DNAJC2: variants seen among roughly 807,000 people sequenced by gnomAD.
DNAJC2 encodes the protein dnaJ homolog subfamily C member 2.
DNAJC2 carries 32 observed loss-of-function variants against 94.0 expected under a neutral mutation model. The observed-to-expected ratio is 0.34, with a 90% confidence interval of 0.26 to 0.46. DNAJC2 has a LOEUF of 0.46. DNAJC2 is among the 20% of genes least tolerant of loss of function. The pLI is 1.00. For synonymous variants in DNAJC2, 210 were observed against 229.7 expected, an observed-to-expected ratio of 0.91 and a Z score of 0.77; for missense variants, 550 against 719.5, an observed-to-expected ratio of 0.76 and a Z score of 2.69.
At position 103,312,728 on chromosome 7, in the gene DNAJC2, C is replaced by T; in HGVS notation, c.1792-85G>A. The stretch of plus-strand genomic sequence containing the variant: ...TAGTGTTTGGTGTAAAGAATTCAAG[C>T]AACTAAGATAGATAGTACTAAATAT... On this transcript the variant is annotated intron_variant, in intron 16 of 16. Coordinates refer to ENST00000379263, the MANE Select transcript of DNAJC2 (RefSeq NM_014377.3). 3 of 1,577,796 alleles carry T rather than the reference C, an allele frequency of 1.9e-6. No homozygotes were observed. The South Asian group carries it at 3.5e-5, about 19-fold the overall frequency.
Position 103,326,617 on chromosome 7 carries a change from G to C in DNAJC2, c.498C>G (p.Asn166Lys). 6.3e-7 allele frequency: 1 copy of C among 1,582,452 alleles called. No individual in the cohort carries two copies. The highest frequency in any genetic ancestry group is 8.6e-7 in the Non-Finnish European group (1 of 1,164,754). Residue 166 changes from asparagine (N) to lysine (K), a missense_variant, in exon 5 of 17, where the codon AAC becomes AAG. Transcript: ENST00000379263. ...AFNSVDPTFDNSVPSKSEAKD... is the reference protein window; with the variant it reads ...AFNSVDPTFDKSVPSKSEAKD... Reference sequence around the variant, plus strand: ...TTGCTTCACTTTTAGAAGGAACTGAGTTATCAAAAGTAGGATCTACACTGT... The same window carrying C: ...TTGCTTCACTTTTAGAAGGAACTGACTTATCAAAAGTAGGATCTACACTGT...
chr7:103,339,708 TCTC>T (rs919233132), intron 2 of DNAJC2, among the ~76,000 whole-genome samples: 1 of 152,114 alleles, frequency 6.6e-6, no homozygotes, highest in African/African-American at 2.4e-5. Context: ...TTCAAGCGAT[TCTC>T]CTGTTTCAGC....
chr7:103,323,884 TC>T (rs1328752744), intron 6 of DNAJC2, among the ~76,000 whole-genome samples: 1 of 152,200 alleles, frequency 6.6e-6, no homozygotes, highest in Non-Finnish European at 1.5e-5. Context: ...TGCTATCTCT[TC>T]TTTGTTAGGT....
chr7:103,313,854 A>C, intron 15 of DNAJC2: 1 of 985,378 alleles, frequency 1.0e-6, no homozygotes, highest in Non-Finnish European at 1.2e-6. Flanking sequence ...AAGTGGTAGA[A>C]AGCTGATTTG....
At position 103,319,604 on chromosome 7, in the gene DNAJC2, A is replaced by T; in HGVS notation, c.1242+5T>A. On this transcript the variant is annotated splice_donor_5th_base_variant and intron_variant, in intron 12 of 16. Transcript: ENST00000379263. ...ATAGGTAGGAGTGATGTGTTCCTCT[A>T]TTACCTGTTTTTCCAAAGCAGCCTT... The T allele has an allele frequency of 6.2e-7, 1 of 1,613,830 alleles. No homozygotes were observed. The highest frequency in any genetic ancestry group is 1.7e-5 in the Admixed American group (1 of 60,028).
At position 103,319,594 on chromosome 7, in the gene DNAJC2, G is replaced by A; in HGVS notation, c.1242+15C>T. ...AATGCTACATATAGGTAGGAGTGAT[G>A]TGTTCCTCTATTACCTGTTTTTCCA... On this transcript the variant is annotated intron_variant, in intron 12 of 16. Transcript: ENST00000379263. 1.2e-6 allele frequency: 2 copies of A among 1,612,758 alleles called. No homozygotes were observed. Among genetic ancestry groups the A allele is most frequent in the Non-Finnish European group, 1.7e-6 (2 of 1,178,808 alleles).
chr7:103,321,466 C>A (rs1818407744), intron 10 of DNAJC2, among the ~76,000 whole-genome samples: 1 of 150,996 alleles, frequency 6.6e-6, no homozygotes, highest in South Asian at 2.1e-4. Context: ...TGCAGTGAGC[C>A]AAAATCGTGC....
intron 14 of DNAJC2, 50 bp from the exon 15 acceptor site, chr7:103,315,921 C>T: frequency 6.5e-7 from 1 of 1,529,382 alleles, no homozygotes; most frequent in Non-Finnish European, 9.0e-7. Context: ...TTTAATCTTT[C>T]ATTAAATTGC....
At chr7:103,337,951 T>C (rs948202656) in intron 2 of DNAJC2, 140 bp from the exon 3 acceptor site, 7 of 636,888 alleles carry the variant, frequency 1.1e-5, no homozygotes, top group Admixed American at 2.7e-5. Context: ...TAAACCAGGG[T>C]CTATGGTCAG....
rs76592168 is a variant in DNAJC2, at chr7:103,315,934, A to C, written c.1528+54T>G. ...CATTTAATCTTTCATTAAATTGCAT[A>C]AGTTATTTTAAAAATAGGTGTTTAA... On this transcript the variant is annotated intron_variant, in intron 14 of 16. Transcript: ENST00000379263. The C allele has an allele frequency of 1.0e-3, 1,562 of 1,546,474 alleles. 20 individuals are homozygous for C. In the East Asian group the frequency reaches 0.02, roughly 19 times the overall value.
intron 2 of DNAJC2, 68 bp downstream of exon 2, chr7:103,341,696 A>G: frequency 7.8e-7 from 1 of 1,284,052 alleles, no homozygotes; most frequent in Admixed American, 2.5e-5. Flanking sequence ...ATTAATGGAA[A>G]ACTCATAAGA....
intron 15 of DNAJC2, chr7:103,313,340 C>T: frequency 8.3e-7 from 1 of 1,202,198 alleles, no homozygotes; most frequent in Non-Finnish European, 1.0e-6. Context: ...TAGTAAAGAT[C>T]TACCTTGTAC....
chr7:103,321,181 G>A (rs1466747515), intron 10 of DNAJC2, among the ~76,000 whole-genome samples: 1 of 152,112 alleles, frequency 6.6e-6, no homozygotes, highest in East Asian at 1.9e-4. Context: ...CTGAGTGACT[G>A]AGACCCTGCC....
intron 4 of DNAJC2, 112 bp downstream of exon 4, chr7:103,327,544 A>G (rs1034516908): frequency 1.3e-6 from 1 of 764,022 alleles, no homozygotes; most frequent in Non-Finnish European, 2.1e-6. Flanking sequence ...AAAATGTTTT[A>G]AAATGTCAAA....
At chr7:103,343,707 CTTATT>C (rs1356071264) in intron 1 of DNAJC2, among the ~76,000 whole-genome samples, 1 of 152,182 alleles carries the variant, frequency 6.6e-6, no homozygotes, top group South Asian at 2.1e-4. Flanking sequence ...CCCTGAACAA[CTTATT>C]TTAAGATTTC....
intron 10 of DNAJC2, 68 bp from the exon 11 acceptor site, chr7:103,319,912 G>C: frequency 6.5e-7 from 1 of 1,540,646 alleles, no homozygotes; most frequent in Non-Finnish European, 8.9e-7. Flanking sequence ...TTACAAAGCT[G>C]TAATCCCAGC....
At chr7:103,330,291 TA>T (rs1299503479) in intron 3 of DNAJC2, among the ~76,000 whole-genome samples, 3 of 152,138 alleles carry the variant, frequency 2.0e-5, no homozygotes, top group African/African-American at 7.2e-5. Context: ...TTTGTTATTT[TA>T]TTTTTTTTTT....
At chr7:103,341,120 A>G (rs1388593204) in intron 2 of DNAJC2, among the ~76,000 whole-genome samples, 1 of 152,210 alleles carries the variant, frequency 6.6e-6, no homozygotes, top group Non-Finnish European at 1.5e-5. Flanking sequence ...ACCCAGCCAC[A>G]TAGTAAGTTC....
chr7:103,331,291 C>A (rs1818960035), intron 3 of DNAJC2, among the ~76,000 whole-genome samples: 1 of 152,176 alleles, frequency 6.6e-6, no homozygotes, highest in Non-Finnish European at 1.5e-5. Flanking sequence ...CATGCATAAA[C>A]CACGTAATGA....
Sources: allele counts gnomAD v4.1 joint callset (sites outside exome capture counted in the v4.1 genomes callset), GRCh38; gene constraint gnomAD v4.1.1; transcripts MANE v1.5; gene names NCBI Gene and HGNC (gene_info 2026-07-23, HGNC 2026-07-21).